Variants in C4BPA observed in about 807,000 individuals in gnomAD.
The protein encoded by C4BPA is complement component 4 binding protein alpha.
A neutral mutation model predicts 63.7 loss-of-function variants in C4BPA; 31 were observed. The observed-to-expected ratio is 0.49, with a 90% confidence interval of 0.37 to 0.66. The LOEUF (loss-of-function observed/expected upper bound fraction) is 0.66. Ranked by LOEUF, C4BPA falls within the 30% of genes least tolerant of loss-of-function variation. C4BPA has a pLI of 0.00. For missense variants in C4BPA, 572 were observed against 723.3 expected (o/e 0.79, Z 2.40); for synonymous variants, 259 against 254.7 (o/e 1.02, Z -0.16).
chr1:207,139,067 C>A (rs1685354568), intron 9 of C4BPA, among the ~76,000 whole-genome samples: 1 of 152,114 alleles, frequency 6.6e-6, no homozygotes, highest in Non-Finnish European at 1.5e-5. Context: ...ATGACATGGG[C>A]AAGAGGGTTA....
Position 207,144,825 on chromosome 1 carries a change from A to C in C4BPA, c.*108A>C. 1 of 567,884 alleles carries C rather than the reference A, an allele frequency of 1.8e-6. No homozygotes were observed. The highest frequency in any genetic ancestry group is 3.3e-5 in the East Asian group (1 of 30,240). 35.2% of individuals were successfully genotyped at this position (567,884 alleles called of 1,614,324 possible). A position where few individuals can be genotyped will look rare whatever the true frequency, so the allele number is the denominator to read the frequency against. ...TCAATTTGGCAGTGATATTCATCATAATAAATATCTAGAAATGATAATTTG... is the reference window on the plus strand; with the variant it reads ...TCAATTTGGCAGTGATATTCATCATCATAAATATCTAGAAATGATAATTTG... On this transcript the variant is annotated 3_prime_UTR_variant, in exon 12 of 12. Transcript: ENST00000367070.
At chr1:207,139,352 G>A (rs1685360204) in intron 9 of C4BPA, among the ~76,000 whole-genome samples, 2 of 152,162 alleles carry the variant, frequency 1.3e-5, no homozygotes, top group South Asian at 4.1e-4. Flanking sequence ...ATATCACAGG[G>A]ATGACCACTC....
At chr1:207,125,172 T>G (rs1264529127) in intron 6 of C4BPA, among the ~76,000 whole-genome samples, 9 of 152,150 alleles carry the variant, frequency 5.9e-5, no homozygotes, top group African/African-American at 1.7e-4. Context: ...CTGCCAACAG[T>G]GCAAAATGCC....
intron 7 of C4BPA, 88 bp from the exon 8 acceptor site, chr1:207,131,458 C>T (rs1685156708): frequency 2.3e-6 from 2 of 864,124 alleles, no homozygotes; most frequent in South Asian, 1.7e-5. Context: ...GAACGTATGA[C>T]CCCCTTTGAT....
chr1:207,134,437 G>A lies in C4BPA; in HGVS notation c.1118G>A (p.Gly373Asp). ...LCCPEPKLNNGEITQHRKSRP... is the reference protein window; with the variant it reads ...LCCPEPKLNNDEITQHRKSRP... Reference sequence around the variant, plus strand: ...TGCCCTGAACCAAAGCTAAATAATGGTGAAATCACTCAACACAGGAAAAGT... The same window carrying A: ...TGCCCTGAACCAAAGCTAAATAATGATGAAATCACTCAACACAGGAAAAGT... Residue 373 changes from glycine to aspartate, a missense_variant, in exon 9 of 12, where the codon GGT (glycine) becomes GAT (aspartate). By Grantham distance (94) the Gly-to-Asp change is moderately conservative. Around this residue, in one of 2 missense-constraint regions of C4BPA, gnomAD observed 465 missense variants for 629.4 expected, o/e 0.74. Transcript: ENST00000367070. 1 of 1,613,754 alleles carries A rather than the reference G, an allele frequency of 6.2e-7. No homozygotes were observed. Among genetic ancestry groups the A allele is most frequent in the Admixed American group, 1.7e-5 (1 of 59,992 alleles).
At position 207,113,036 on chromosome 1, in the gene C4BPA, CA is replaced by C; in HGVS notation, c.16del (p.Thr6LeufsTer31). 3 of 1,596,784 alleles carry C rather than the reference CA, an allele frequency of 1.9e-6. No individual in the cohort carries two copies. Among genetic ancestry groups the C allele is most frequent in the Admixed American group, 1.8e-5 (1 of 54,324 alleles). MHP[P>X]KTPSGALHRK... ...GCGAAGCAGCAGGCCATGCACCCCC[CA>C]AAAACTCCATCTGGGGCTCTTCATA... On this transcript the variant is annotated frameshift_variant, in exon 2 of 12. Coordinates refer to ENST00000367070, the MANE Select transcript of C4BPA (RefSeq NM_000715.4). LOFTEE classifies it high-confidence loss of function.
At chr1:207,122,881 A>C (rs1684949348) in intron 4 of C4BPA, among the ~76,000 whole-genome samples, 1 of 152,182 alleles carries the variant, frequency 6.6e-6, no homozygotes. Context: ...GCCTGAAACA[A>C]ATTTTTAAAA....
chr1:207,131,780 C>T (rs1685166856), intron 8 of C4BPA, 40 bp downstream of exon 8: 2 of 1,324,404 alleles, frequency 1.5e-6, no homozygotes, highest in Admixed American at 1.8e-5. Context: ...TATTAAATGT[C>T]CAGTATGTGC....
At chr1:207,144,504 G>A in intron 11 of C4BPA, 40 bp from the exon 12 acceptor site, 1 of 1,535,804 alleles carries the variant, frequency 6.5e-7, no homozygotes, top group Non-Finnish European at 8.8e-7. Flanking sequence ...ATGATTAGAA[G>A]AGAAGCTTCT....
intron 1 of C4BPA, among the ~76,000 whole-genome samples, chr1:207,107,742 G>A (rs1015710341): frequency 1.3e-5 from 2 of 152,294 alleles, no homozygotes; most frequent in East Asian, 1.9e-4. Flanking sequence ...CATCAACATG[G>A]AAGCTGGCTT....
chr1:207,120,616 A>T (rs909398443), intron 4 of C4BPA, among the ~76,000 whole-genome samples: 9 of 152,232 alleles, frequency 5.9e-5, no homozygotes, highest in African/African-American at 2.2e-4. Context: ...AAAAAAATTT[A>T]AAAAACAGAA....
At chr1:207,110,719 T>C (rs950108930) in intron 1 of C4BPA, among the ~76,000 whole-genome samples, 25 of 152,214 alleles carry the variant, frequency 1.6e-4, no homozygotes, top group African/African-American at 6.0e-4. Context: ...TGAATACATA[T>C]TTTAGTGGCA....
intron 1 of C4BPA, among the ~76,000 whole-genome samples, chr1:207,106,449 T>TTGTTTTTTG (rs200211301): frequency 1.5e-5 from 2 of 134,180 alleles, no homozygotes; most frequent in East Asian, 2.4e-4. Context: ...AAGTTTTTTT[T>TTGTTTTTTG]TTTTTTTTGA....
At chr1:207,115,937 G>A (rs1012159865) in intron 4 of C4BPA, among the ~76,000 whole-genome samples, 1 of 152,170 alleles carries the variant, frequency 6.6e-6, no homozygotes, top group African/African-American at 2.4e-5. Flanking sequence ...CCTTGTGATG[G>A]ATCCATGGAT....
Position 207,114,145 on chromosome 1 carries a change from A to T in C4BPA, c.188A>T (p.Asp63Val). The T allele has an allele frequency of 6.2e-7, 1 of 1,613,736 alleles. No individual in the cohort carries two copies. Among genetic ancestry groups the T allele is most frequent in the Non-Finnish European group, 8.5e-7 (1 of 1,179,774 alleles). The change falls in exon 3 of 12, where the codon GAT (aspartate) becomes GTT (valine). Residue 63 changes from aspartate to valine, a missense_variant. Transcript: ENST00000367070. ...PPTLSFAAPM[D>V]ITLTETRFKT... ...ACTTTATCATTTGCTGCCCCGATGG[A>T]TATTACGTTGACTGAGACACGCTTC... is the stretch of plus-strand genomic sequence containing the variant.
intron 3 of C4BPA, 60 bp downstream of exon 3, chr1:207,114,345 AAACT>A: frequency 7.4e-7 from 1 of 1,346,248 alleles, no homozygotes; most frequent in Non-Finnish European, 1.0e-6. Context: ...GTTGTCTCAG[AAACT>A]AAATTTTCTG....
intron 7 of C4BPA, among the ~76,000 whole-genome samples, chr1:207,128,862 CA>C (rs199543332): frequency 3.0e-4 from 44 of 148,398 alleles, no homozygotes; most frequent in African/African-American, 9.6e-4. Flanking sequence ...GTTCTGTTTT[CA>C]AAAAAAAAAT....
rs1684592469 is a variant in C4BPA at position 207,107,950 on chromosome 1, T to C, written c.-26+3520T>C. Among the ~76,000 whole-genome samples, 3 of 152,162 alleles carry C rather than the reference T, an allele frequency of 2.0e-5. No individual in the cohort carries two copies. The South Asian group carries it at 6.2e-4, about 32-fold the overall frequency. On this transcript the variant is annotated intron_variant, in intron 1 of 11. Coordinates refer to ENST00000367070, the MANE Select transcript of C4BPA (RefSeq NM_000715.4). ...AGGAGGCAATAATGACTTGGATTTC[T>C]AGTCTGGGAGGCTGGGTGGAGATTG...
intron 1 of C4BPA, among the ~76,000 whole-genome samples, chr1:207,105,061 G>A (rs1684530518): frequency 6.6e-6 from 1 of 152,174 alleles, no homozygotes; most frequent in Non-Finnish European, 1.5e-5. Context: ...TGGTTGGCCA[G>A]GATACAGTAC....
Sources: gnomAD v4.1 joint callset for allele counts (sites outside exome capture counted in the v4.1 genomes callset) on GRCh38, gnomAD v4.1.1 for gene constraint, gnomAD v4.1.1 regional missense constraint, MANE v1.5 for transcripts, NCBI Gene and HGNC (gene_info 2026-07-23, HGNC 2026-07-21) for gene names.